The following KLF12 variants were observed in gnomAD, a reference collection of about 807,000 sequenced individuals.
KLF12 encodes Krueppel-like factor 12.
A neutral mutation model predicts 37.8 loss-of-function variants in KLF12; 9 were observed. The ratio of observed to expected loss-of-function variants is 0.24; its 90% CI spans 0.14 to 0.42. The LOEUF (loss-of-function observed/expected upper bound fraction) is 0.42, where lower values mean the gene tolerates loss of function less well. KLF12 is among the 10% of genes least tolerant of loss of function. KLF12 has a pLI of 1.00. For missense variants in KLF12, 411 were observed against 516.0 expected, an observed-to-expected ratio of 0.80 and a Z score of 1.97; for synonymous variants, 208 against 202.1, an observed-to-expected ratio of 1.03 and a Z score of -0.25.
At chr13:73,865,293 A>G (rs1387899504) in intron 3 of KLF12, among the ~76,000 whole-genome samples, 1 of 152,214 alleles carries the variant, frequency 6.6e-6, no homozygotes, top group Non-Finnish European at 1.5e-5. Flanking sequence ...AAGTGATGAC[A>G]TGCAAAATAA....
At chr13:73,719,513 C>A (rs901280567) in intron 6 of KLF12, among the ~76,000 whole-genome samples, 1 of 151,116 alleles carries the variant, frequency 6.6e-6, no homozygotes, top group African/African-American at 2.4e-5. Flanking sequence ...TTTATTAATT[C>A]TTAATTGGTT....
intron 1 of KLF12, among the ~76,000 whole-genome samples, chr13:74,027,270 A>G (rs936575528): frequency 6.7e-6 from 1 of 148,890 alleles, no homozygotes; most frequent in African/African-American, 2.4e-5. Flanking sequence ...TCATATCTCC[A>G]TGTCTTCTTC....
chr13:73,868,931 CCATATTTTTTAAAGT>C (rs1159977526), intron 3 of KLF12, among the ~76,000 whole-genome samples: 3 of 152,074 alleles, frequency 2.0e-5, no homozygotes, highest in Non-Finnish European at 4.4e-5. Flanking sequence ...CAAAACAAAT[CCATATTTTTTAAAGT>C]CATATTTTTT....
intron 1 of KLF12, among the ~76,000 whole-genome samples, chr13:74,111,508 T>A (rs1282033068): frequency 1.3e-5 from 2 of 152,196 alleles, no homozygotes; most frequent in South Asian, 4.1e-4. Context: ...GTAATTCTAA[T>A]GTAACCTGCT....
At chr13:73,868,036 AG>A (rs1367792167) in intron 3 of KLF12, among the ~76,000 whole-genome samples, 2 of 148,924 alleles carry the variant, frequency 1.3e-5, no homozygotes, top group Non-Finnish European at 3.0e-5. Context: ...AAAAAAAAAA[AG>A]AAAAAAAAAA....
chr13:73,801,153 T>G (rs1250750187), intron 5 of KLF12: 1 of 152,162 alleles, frequency 6.6e-6, no homozygotes, highest in Non-Finnish European at 1.5e-5. Flanking sequence ...AGGCTATTCC[T>G]GAGAATGTGT....
intron 2 of KLF12, among the ~76,000 whole-genome samples, chr13:73,951,183 G>A (rs773731147): frequency 6.6e-6 from 1 of 152,176 alleles, no homozygotes; most frequent in Non-Finnish European, 1.5e-5. Flanking sequence ...TGTACCAGGG[G>A]TTGTTTCATG....
At chr13:74,078,893 G>A (rs1874719502) in intron 1 of KLF12, among the ~76,000 whole-genome samples, 1 of 152,152 alleles carries the variant, frequency 6.6e-6, no homozygotes, top group Non-Finnish European at 1.5e-5. Flanking sequence ...ATTGTAAAAT[G>A]TACCGTATTA....
chr13:73,737,259 A>G (rs1186222976), intron 6 of KLF12, among the ~76,000 whole-genome samples: 5 of 152,206 alleles, frequency 3.3e-5, no homozygotes, highest in African/African-American at 4.8e-5. Context: ...TTCAGCTACA[A>G]CTGTAGCCTT....
intron 1 of KLF12, among the ~76,000 whole-genome samples, chr13:74,117,337 T>C (rs1877368064): frequency 6.6e-6 from 1 of 152,162 alleles, no homozygotes; most frequent in African/African-American, 2.4e-5. Flanking sequence ...GACAAGGGGA[T>C]GTCACTGGGC....
intron 1 of KLF12, among the ~76,000 whole-genome samples, chr13:74,103,618 T>C (rs1043098686): frequency 6.6e-6 from 1 of 152,214 alleles, no homozygotes; most frequent in Admixed American, 6.5e-5. Flanking sequence ...AATGTGCTAT[T>C]TGTATTTAAC....
intron 3 of KLF12, among the ~76,000 whole-genome samples, chr13:73,924,542 C>G (rs996031809): frequency 6.6e-6 from 1 of 152,104 alleles, no homozygotes; most frequent in Admixed American, 6.5e-5. Flanking sequence ...ACTGCCCCAC[C>G]CACCAGCCAT....
At chr13:74,128,745 T>C (rs1878090031) in intron 1 of KLF12, among the ~76,000 whole-genome samples, 1 of 152,250 alleles carries the variant, frequency 6.6e-6, no homozygotes, top group Non-Finnish European at 1.5e-5. Context: ...AGGGTTGTTT[T>C]TCTTTTGTTA....
chr13:73,848,057 A>T (rs952012849), intron 3 of KLF12, among the ~76,000 whole-genome samples: 2 of 152,226 alleles, frequency 1.3e-5, no homozygotes, highest in Non-Finnish European at 2.9e-5. Context: ...ATCAGTAAGC[A>T]CATATTATTA....
chr13:73,985,308 G>A (rs1419500619), intron 2 of KLF12, among the ~76,000 whole-genome samples: 4 of 152,170 alleles, frequency 2.6e-5, no homozygotes, highest in Admixed American at 2.6e-4. Context: ...CTGTTTTGCA[G>A]CAATGGATGA....
At position 74,075,587 on chromosome 13, in the gene KLF12, C is replaced by T. The variant is rs752109385; in HGVS notation, c.-32+58152G>A. ...GAGAACCACTGATCATTAAACAATG[C>T]TATGTAAAGTTTTCTGCCTATATTC... On this transcript the variant is annotated intron_variant, in intron 1 of 7. Transcript: ENST00000377669. 4.6e-5 allele frequency among the ~76,000 whole-genome samples: 7 copies of T among 152,278 alleles called. No homozygotes were observed. In the South Asian group the frequency reaches 6.2e-4, roughly 14 times the overall value.
chr13:73,693,861 G>A lies in KLF12; in HGVS notation c.*1629C>T, dbSNP rs74974615. 1 of 152,686 alleles carries A rather than the reference G, an allele frequency of 6.5e-6. No individual in the cohort carries two copies. Among genetic ancestry groups the A allele is most frequent in the East Asian group, 1.9e-4 (1 of 5,176 alleles). 9.5% of individuals were successfully genotyped at this position (152,686 alleles called of 1,614,324 possible). ...CCACAGAAAGCTGGAAAAAAACCCAGCTTGTGGTGGGGACAAAAATATGGT... is the reference window on the plus strand; with the variant it reads ...CCACAGAAAGCTGGAAAAAAACCCAACTTGTGGTGGGGACAAAAATATGGT... On this transcript the variant is annotated 3_prime_UTR_variant, in exon 8 of 8. Transcript: ENST00000377669.
At chr13:73,854,742 T>A (rs143900066) in intron 3 of KLF12, among the ~76,000 whole-genome samples, 8 of 152,208 alleles carry the variant, frequency 5.3e-5, no homozygotes, top group African/African-American at 1.9e-4. Flanking sequence ...CTTTAAATTA[T>A]CTCCACATCA....
At chr13:74,259,349 G>A in the KLF12 span, 1 of 152,122 alleles carries the variant, frequency 6.6e-6, no homozygotes, top group East Asian at 1.9e-4. Context: ...GATAGTAAAG[G>A]TTCTACTGAC....
Sources: gnomAD v4.1 joint callset for allele counts (sites outside exome capture counted in the v4.1 genomes callset) on GRCh38, gnomAD v4.1.1 for gene constraint, MANE v1.5 for transcripts, NCBI Gene and HGNC (gene_info 2026-07-23, HGNC 2026-07-21) for gene names.